SLC14A2: variants seen among roughly 807,000 people sequenced by gnomAD.
The protein encoded by SLC14A2 is solute carrier family 14 member 2.
A neutral mutation model predicts 104.6 loss-of-function variants in SLC14A2; 91 were observed. The ratio of observed to expected loss-of-function variants is 0.87; its 90% CI spans 0.73 to 1.04. The LOEUF (loss-of-function observed/expected upper bound fraction) is 1.04, where lower values mean the gene tolerates loss of function less well. Ranked by LOEUF, SLC14A2 falls within the 50% of genes least tolerant of loss-of-function variation. The probability of loss-of-function intolerance (pLI) is 0.00; values close to 1 mark genes in which losing one functional copy is unlikely to be tolerated. For missense variants in SLC14A2, 1,189 were observed against 1,156.0 expected, an observed-to-expected ratio of 1.03 and a Z score of -0.41; for synonymous variants, 476 against 466.4, an observed-to-expected ratio of 1.02 and a Z score of -0.27.
At chr18:45,195,759 G>C in the SLC14A2 span, among the ~76,000 whole-genome samples, 9 of 152,092 alleles carry the variant, frequency 5.9e-5, no homozygotes, top group East Asian at 1.5e-3. Flanking sequence ...ATTCAAAGTA[G>C]CTTCTCATAT....
intron 1 of SLC14A2, among the ~76,000 whole-genome samples, chr18:45,323,091 C>T (rs966722824): frequency 2.0e-5 from 3 of 152,054 alleles, no homozygotes; most frequent in Admixed American, 1.3e-4. Context: ...TGATTCAGAC[C>T]GTATGGACCT....
At chr18:45,357,102 A>G (rs554565028) in intron 1 of SLC14A2, among the ~76,000 whole-genome samples, 1 of 152,292 alleles carries the variant, frequency 6.6e-6, no homozygotes, top group South Asian at 2.1e-4. Flanking sequence ...GGCAGTCTGT[A>G]GCTATGAGGA....
At chr18:45,527,069 G>C (rs760990961) in intron 2 of SLC14A2, among the ~76,000 whole-genome samples, 5 of 152,112 alleles carry the variant, frequency 3.3e-5, no homozygotes, top group Non-Finnish European at 5.9e-5. Context: ...GCCCAGAGAG[G>C]GGCATGACTT....
At chr18:45,222,033 C>G (rs914402454) in intron 1 of SLC14A2, among the ~76,000 whole-genome samples, 5 of 152,094 alleles carry the variant, frequency 3.3e-5, no homozygotes, top group African/African-American at 1.2e-4. Flanking sequence ...CATTAAGATA[C>G]AAAGAGAGAA....
chr18:45,420,010 T>C (rs958222996), intron 1 of SLC14A2, among the ~76,000 whole-genome samples: 1 of 152,208 alleles, frequency 6.6e-6, no homozygotes, highest in Admixed American at 6.5e-5. Context: ...TCATTTAATA[T>C]TTCTCACAGT....
chr18:45,493,297 C>T (rs1309436750), intron 2 of SLC14A2: 1 of 152,202 alleles, frequency 6.6e-6, no homozygotes, highest in African/African-American at 2.4e-5. Context: ...GAAACCCCAA[C>T]ATGATGGATA....
At chr18:45,327,984 G>T (rs1218143146) in intron 1 of SLC14A2, among the ~76,000 whole-genome samples, 1 of 152,106 alleles carries the variant, frequency 6.6e-6, no homozygotes, top group Non-Finnish European at 1.5e-5. Context: ...GTTTGTATGG[G>T]GATAGCTGAA....
intron 2 of SLC14A2, among the ~76,000 whole-genome samples, chr18:45,539,169 G>C (rs2043846034): frequency 6.6e-6 from 1 of 152,174 alleles, no homozygotes; most frequent in South Asian, 2.1e-4. Context: ...TGGACTCTAG[G>C]TGGATGCAGG....
rs140605169 is a variant in SLC14A2 at position 45,350,280 on chromosome 18, T to C, written c.-124-132953T>C. On this transcript the variant is annotated intron_variant, in intron 1 of 20. Coordinates refer to the SLC14A2 transcript ENST00000586448. ...TCTGGATAAAACCTCAGAATCACAA[T>C]GCATTACTAACATACACTAAACAGT... 1.8e-3 allele frequency among the ~76,000 whole-genome samples: 272 copies of C among 152,318 alleles called. 2 individuals are homozygous for C. The highest frequency in any genetic ancestry group is 3.0e-3 in the Non-Finnish European group (204 of 68,022).
At chr18:45,283,659 A>T (rs905513773) in intron 1 of SLC14A2, among the ~76,000 whole-genome samples, 6 of 152,250 alleles carry the variant, frequency 3.9e-5, no homozygotes, top group Admixed American at 1.3e-4. Context: ...TGTATTCAAC[A>T]GGTCTCCATT....
intron 1 of SLC14A2, among the ~76,000 whole-genome samples, chr18:45,318,940 A>G (rs1307394154): frequency 6.6e-6 from 1 of 152,148 alleles, no homozygotes; most frequent in African/African-American, 2.4e-5. Context: ...GGGGATGAGG[A>G]CATTGTCAAA....
Position 45,303,812 on chromosome 18 carries a change from G to T in SLC14A2, c.-125+90621G>T, listed in dbSNP as rs1306333522. ...CCTTCCATTTGAGCAAAAGATCAAG[G>T]TTCCAGCTAAAAGATCAAGATGGTC... On this transcript the variant is annotated intron_variant, in intron 1 of 20. Coordinates refer to the SLC14A2 transcript ENST00000586448. 2.0e-5 allele frequency among the ~76,000 whole-genome samples: 3 copies of T among 152,152 alleles called. No homozygotes were observed. The South Asian group carries it at 6.2e-4, about 32-fold the overall frequency.
At chr18:45,488,842 A>C (rs1398569182) in intron 2 of SLC14A2, among the ~76,000 whole-genome samples, 1 of 152,216 alleles carries the variant, frequency 6.6e-6, no homozygotes, top group African/African-American at 2.4e-5. Flanking sequence ...CCCACCCTTT[A>C]GTCCCCACGT....
chr18:45,600,177 A>G (rs2044768929), intron 2 of SLC14A2, among the ~76,000 whole-genome samples: 1 of 152,218 alleles, frequency 6.6e-6, no homozygotes, highest in Non-Finnish European at 1.5e-5. Flanking sequence ...ATACTAAAAT[A>G]TAAAACTTGT....
At chr18:45,348,731 A>G (rs56924448) in intron 1 of SLC14A2, among the ~76,000 whole-genome samples, 2,067 of 152,342 alleles carry the variant, frequency 0.014, 58 homozygotes, top group African/African-American at 0.047. Flanking sequence ...TTTAATAAAT[A>G]AGGAAACTGA....
chr18:45,189,028 A>T, the SLC14A2 span, among the ~76,000 whole-genome samples: 1 of 152,190 alleles, frequency 6.6e-6, no homozygotes, highest in African/African-American at 2.4e-5. Flanking sequence ...AGTTTGTTAC[A>T]TGCCTTTTCC....
At chr18:45,353,484 A>G (rs1212282594) in intron 1 of SLC14A2, among the ~76,000 whole-genome samples, 1 of 152,216 alleles carries the variant, frequency 6.6e-6, no homozygotes, top group Non-Finnish European at 1.5e-5. Flanking sequence ...GTTACAGAAA[A>G]TATTTATGAC....
chr18:45,554,843 T>C (rs2044110247), intron 2 of SLC14A2, among the ~76,000 whole-genome samples: 1 of 152,224 alleles, frequency 6.6e-6, no homozygotes, highest in Non-Finnish European at 1.5e-5. Context: ...TCTTGCCATC[T>C]TCAAACCTGG....
At chr18:45,334,430 A>T (rs1281982829) in intron 1 of SLC14A2, among the ~76,000 whole-genome samples, 4 of 152,166 alleles carry the variant, frequency 2.6e-5, no homozygotes, top group Admixed American at 2.0e-4. Context: ...AATTCTGGAA[A>T]CTTCCTGTAC....
Sources: allele counts gnomAD v4.1 joint callset (sites outside exome capture counted in the v4.1 genomes callset), GRCh38; gene constraint gnomAD v4.1.1; transcripts MANE v1.5; gene names NCBI Gene and HGNC (gene_info 2026-07-23, HGNC 2026-07-21).